The following DCAF8 variants were observed in gnomAD, a reference collection of about 807,000 sequenced individuals.
DCAF8 encodes the protein DDB1- and CUL4-associated factor 8.
DCAF8 carries 20 observed loss-of-function variants against 68.0 expected under a neutral mutation model. The observed-to-expected ratio is 0.29, with a 90% CI of 0.21 to 0.43. The LOEUF is 0.43. Ranked by LOEUF, DCAF8 falls within the 20% of genes least tolerant of loss-of-function variation. DCAF8 has a pLI of 1.00. For synonymous variants in DCAF8, 230 were observed against 276.9 expected, an observed-to-expected ratio of 0.83 and a Z score of 1.68; for missense variants, 460 against 771.0, an observed-to-expected ratio of 0.60 and a Z score of 4.78.
In DCAF8 at chr1:160,239,900, A is replaced by T. The variant is rs1212949058; in HGVS notation, c.520T>A (p.Cys174Ser). The change falls in exon 4 of 14, where the codon TGT (cysteine) becomes AGT (serine). Residue 174 changes from cysteine (C) to serine (S), a missense_variant. Transcript: ENST00000368074. Reference protein sequence around the residue: ...GSSARFVYEACGARVFVQRFR... With the variant: ...GSSARFVYEASGARVFVQRFR... ...CGCTGCACAAAGACTCTTGCCCCAC[A>T]GGCCTCATAGACAAAGCGGGCACTT... 2 of 1,614,102 alleles carry T rather than the reference A, an allele frequency of 1.2e-6. No homozygotes were observed. Among genetic ancestry groups the T allele is most frequent in the Non-Finnish European group, 1.7e-6 (2 of 1,180,050 alleles).
At chr1:160,259,867 T>G (rs1346797662) in intron 2 of DCAF8, among the ~76,000 whole-genome samples, 1 of 152,148 alleles carries the variant, frequency 6.6e-6, no homozygotes, top group Non-Finnish European at 1.5e-5. Flanking sequence ...GAAATATACA[T>G]ACACCAATAT....
chr1:160,231,769 C>A (rs910095083), intron 6 of DCAF8, among the ~76,000 whole-genome samples: 45 of 152,190 alleles, frequency 3.0e-4, no homozygotes, highest in African/African-American at 9.4e-4. Flanking sequence ...CAGATACCTT[C>A]CTACCCTTTA....
chr1:160,226,561 A>T (rs1393495235), intron 7 of DCAF8, among the ~76,000 whole-genome samples: 1 of 152,216 alleles, frequency 6.6e-6, no homozygotes, highest in African/African-American at 2.4e-5. Flanking sequence ...CAATCTCTTG[A>T]AAAATGCTTT....
intron 2 of DCAF8, 57 bp from the exon 3 acceptor site, chr1:160,244,091 C>T: frequency 8.0e-7 from 1 of 1,247,630 alleles, no homozygotes; most frequent in Non-Finnish European, 1.2e-6. Context: ...GGAAAGAAGA[C>T]AATAGGGACA....
chr1:160,240,581 T>G (rs1015318641), intron 3 of DCAF8, among the ~76,000 whole-genome samples: 1 of 152,094 alleles, frequency 6.6e-6, no homozygotes, highest in African/African-American at 2.4e-5. Context: ...TCCACACACA[T>G]AAAATACTTC....
intron 7 of DCAF8, among the ~76,000 whole-genome samples, chr1:160,227,868 G>C (rs1004959629): frequency 2.0e-5 from 3 of 148,338 alleles, no homozygotes; most frequent in Non-Finnish European, 4.4e-5. Context: ...CTGAACATAT[G>C]ATAGGCCCTT....
chr1:160,249,149 C>A (rs566766523), intron 2 of DCAF8, among the ~76,000 whole-genome samples: 7 of 152,034 alleles, frequency 4.6e-5, no homozygotes, highest in Non-Finnish European at 8.8e-5. Context: ...TGAGATCGCA[C>A]CACTGCACTC....
At chr1:160,220,519 T>C (rs1246326013) in intron 11 of DCAF8, 1 of 152,240 alleles carries the variant, frequency 6.6e-6, no homozygotes, top group Non-Finnish European at 1.5e-5. Context: ...ACCTGGTCAC[T>C]TCACCAGACC....
intron 2 of DCAF8, among the ~76,000 whole-genome samples, chr1:160,258,324 A>G (rs1350929520): frequency 6.6e-6 from 1 of 152,186 alleles, no homozygotes; most frequent in Non-Finnish European, 1.5e-5. Context: ...TCTAGGTGAC[A>G]GAGTGAGATC....
In DCAF8 at chr1:160,238,627, G is replaced by C. The variant is rs1189242852; in HGVS notation, c.844C>G (p.His282Asp). 6.2e-7 allele frequency: 1 copy of C among 1,610,868 alleles called. No homozygotes were observed. Among genetic ancestry groups the C allele is most frequent in the Admixed American group, 1.7e-5 (1 of 59,300 alleles). ...CTTACCTTGTGGGACGCTCCCTTGT[G>C]CTGGGCCACACGTTTTGTATTCTTG... ...CCKNTKRVAQ[H>D]KGASHKLALE... is the part of the protein sequence containing the mutation. Residue 282 changes from histidine to aspartate, a missense_variant, in exon 5 of 14, where the codon CAC (histidine) becomes GAC (aspartate). His to Asp is a moderately conservative substitution (Grantham distance 81). This residue lies in a region of DCAF8 where 170 missense variants were observed against 318.2 expected (regional missense o/e 0.53). Coordinates refer to ENST00000368074, the MANE Select transcript of DCAF8 (RefSeq NM_015726.4).
intron 2 of DCAF8, among the ~76,000 whole-genome samples, chr1:160,245,430 T>C (rs190750823): frequency 5.6e-4 from 86 of 152,344 alleles, no homozygotes; most frequent in Non-Finnish European, 3.8e-4. Context: ...ATGACAATTA[T>C]TCCAGAAGCA....
intron 7 of DCAF8, among the ~76,000 whole-genome samples, chr1:160,226,905 C>T (rs1655495840): frequency 6.6e-6 from 1 of 152,146 alleles, no homozygotes; most frequent in Admixed American, 6.5e-5. Context: ...GGTCTGCAGA[C>T]ACAGATGTAA....
chr1:160,252,532 T>C (rs1439448457), intron 2 of DCAF8, among the ~76,000 whole-genome samples: 2 of 152,152 alleles, frequency 1.3e-5, no homozygotes, highest in African/African-American at 2.4e-5. Flanking sequence ...TGGTAAGGTA[T>C]AGTTGATTAG....
At chr1:160,241,423 G>C (rs1656111650) in intron 3 of DCAF8, among the ~76,000 whole-genome samples, 1 of 152,074 alleles carries the variant, frequency 6.6e-6, no homozygotes. Context: ...TAAAAAGCTG[G>C]GCTACTATAG....
At chr1:160,231,531 G>T (rs1655685091) in intron 6 of DCAF8, 124 bp from the exon 7 acceptor site, 2 of 673,670 alleles carry the variant, frequency 3.0e-6, no homozygotes, top group East Asian at 2.7e-5. Context: ...TGGAAAGAAA[G>T]AATTGTTGTG....
At position 160,239,883 on chromosome 1, in the gene DCAF8, A is replaced by G. The variant is rs147875620; in HGVS notation, c.537T>C (p.Phe179=). 1.2e-6 allele frequency: 2 copies of G among 1,614,148 alleles called. No homozygotes were observed. Among genetic ancestry groups the G allele is most frequent in the African/African-American group, 2.7e-5 (2 of 74,948 alleles). The change falls in exon 4 of 14, where the codon TTT becomes TTC. Residue 179 remains phenylalanine, a synonymous_variant. Coordinates refer to ENST00000368074, the MANE Select transcript of DCAF8 (RefSeq NM_015726.4). ...CATGCTGCAGGCGGAAACGCTGCAC[A>G]AAGACTCTTGCCCCACAGGCCTCAT... ...FVYEACGARV[F]VQRFRLQHGL...
At chr1:160,219,198 G>A (rs745800919) in intron 11 of DCAF8, 17 of 480,456 alleles carry the variant, frequency 3.5e-5, no homozygotes, top group Non-Finnish European at 5.1e-5. Context: ...TATAGGTCGG[G>A]GGTGGCTTCA....
intron 7 of DCAF8, among the ~76,000 whole-genome samples, chr1:160,226,969 C>T (rs994954217): frequency 6.6e-6 from 1 of 152,216 alleles, no homozygotes; most frequent in Non-Finnish European, 1.5e-5. Context: ...GGAATTAGAT[C>T]TCCAAGGGAA....
intron 2 of DCAF8, among the ~76,000 whole-genome samples, chr1:160,248,554 T>C (rs1186787505): frequency 6.6e-6 from 1 of 151,406 alleles, no homozygotes; most frequent in African/African-American, 2.4e-5. Context: ...GCCAACATAG[T>C]GAAACCCCGT....
Sources: allele counts gnomAD v4.1 joint callset (sites outside exome capture counted in the v4.1 genomes callset), GRCh38; gene constraint gnomAD v4.1.1; regional missense constraint gnomAD v4.1.1; transcripts MANE v1.5; gene names NCBI Gene and HGNC (gene_info 2026-07-23, HGNC 2026-07-21).